Variants in CACNA1H observed in about 807,000 individuals in gnomAD.
The protein encoded by CACNA1H is voltage-dependent T-type calcium channel subunit alpha-1H.
Under a neutral mutation model 192.5 loss-of-function variants are expected in CACNA1H, and 149 were observed. The observed-to-expected ratio is 0.77, with a 90% confidence interval of 0.68 to 0.89. CACNA1H has a LOEUF of 0.89. Among genes scored for constraint, CACNA1H ranks in the 40% least tolerant of loss-of-function variants. The pLI is 0.00. For synonymous variants in CACNA1H, 2,202 were observed against 1,475.2 expected, an observed-to-expected ratio of 1.49 and a Z score of -11.29; for missense variants, 4,257 against 3,423.5, an observed-to-expected ratio of 1.24 and a Z score of -6.08.
Position 1,206,512 on chromosome 16 carries a change from A to C in CACNA1H, c.2789+223A>C. 4 of 562,718 alleles carry C rather than the reference A, an allele frequency of 7.1e-6. No individual in the cohort carries two copies. The Admixed American group carries it at 9.7e-5, about 14-fold the overall frequency. The allele number at this position is 562,718 out of a possible 1,614,324, so 34.9% of individuals were successfully genotyped here. A position where few individuals can be genotyped will look rare whatever the true frequency, so the allele number is the denominator to read the frequency against. ...GGGAGTCAGATGGCAGGGGTCAGAG[A>C]TGGGCCGCCAGGTGGACAAGCTGGG... is the stretch of plus-strand genomic sequence containing the variant. On this transcript the variant is annotated intron_variant, in intron 12 of 34. Transcript: ENST00000348261.
rs1969245641 is a variant in CACNA1H, at chr16:1,210,079, C to T, written c.3789C>T (p.Pro1263=). The part of the protein sequence containing the change: ...RLHKVLEPYK[P]QWCRSREAWA... ...ATAAAGTGCTGGAGCCCTACAAGCC[C>T]CAGTGGTGCCGGAGCCGCGAGGCCT... Residue 1263 remains proline, a synonymous_variant, in exon 18 of 35, where the codon CCC becomes CCT. Coordinates refer to ENST00000348261, the MANE Select transcript of CACNA1H (RefSeq NM_021098.3). The T allele has an allele frequency of 3.2e-6, 5 of 1,559,270 alleles. No homozygotes were observed. The East Asian group carries it at 1.2e-4, about 38-fold the overall frequency.
chr16:1,194,987 G>C lies in CACNA1H; in HGVS notation c.315G>C (p.Val105=), dbSNP rs776856944. 2 of 1,611,792 alleles carry C rather than the reference G, an allele frequency of 1.2e-6. No homozygotes were observed. The highest frequency in any genetic ancestry group is 1.7e-5 in the Admixed American group (1 of 59,990). The change falls in exon 3 of 35, where the codon GTG becomes GTC. Residue 105 remains valine, a synonymous_variant. Coordinates refer to ENST00000348261, the MANE Select transcript of CACNA1H (RefSeq NM_021098.3). The part of the protein sequence containing the change: ...RLVCNPWFEH[V]SMLVIMLNCV... ...GCGGCGACACATGGTTCGAGCACGTGAGCATGCTGGTAATCATGCTCAACT... is the reference window on the plus strand; with the variant it reads ...GCGGCGACACATGGTTCGAGCACGTCAGCATGCTGGTAATCATGCTCAACT...
chr16:1,199,439 T>C (rs1175309665), intron 6 of CACNA1H, among the ~76,000 whole-genome samples: 4 of 55,822 alleles, frequency 7.2e-5, no homozygotes, highest in East Asian at 4.4e-4. Flanking sequence ...CCGCCCACCG[T>C]GCGGTCGCTG....
chr16:1,199,389 G>C (rs12934594), intron 6 of CACNA1H, among the ~76,000 whole-genome samples: 1,605 of 3,000 alleles, frequency 0.54, 598 homozygotes, highest in Middle Eastern at 0.75. Flanking sequence ...CTCCGCCCAC[G>C]GTGCGGTCGC....
At chr16:1,211,398 C>T (rs913236615) in intron 22 of CACNA1H, 83 bp from the exon 23 acceptor site, 23 of 1,605,898 alleles carry the variant, frequency 1.4e-5, no homozygotes, top group African/African-American at 5.3e-5. Flanking sequence ...AGGGACAGCT[C>T]GGGCCTCACT....
intron 11 of CACNA1H, 144 bp downstream of exon 11, chr16:1,205,409 G>T (rs551994792): frequency 5.0e-5 from 45 of 903,648 alleles, no homozygotes; most frequent in South Asian, 6.9e-5. Flanking sequence ...CAGGTGCTTG[G>T]TGACCCCAGT....
intron 18 of CACNA1H, 72 bp downstream of exon 18, chr16:1,210,207 G>A (rs531040080): frequency 1.5e-6 from 2 of 1,348,674 alleles, no homozygotes; most frequent in African/African-American, 2.9e-5. Context: ...GGTCCCTCCT[G>A]GGTGGGGCTA....
chr16:1,160,808 T>A (rs1490346736), intron 2 of CACNA1H, among the ~76,000 whole-genome samples: 1 of 152,124 alleles, frequency 6.6e-6, no homozygotes, highest in African/African-American at 2.4e-5. Context: ...GGCAGAGAGA[T>A]CCTTGGGTGG....
chr16:1,205,080 C>G (rs13335513), intron 10 of CACNA1H, 34 bp from the exon 11 acceptor site: 32 of 1,575,842 alleles, frequency 2.0e-5, no homozygotes, highest in African/African-American at 9.5e-5. Flanking sequence ...GCCGCGGGTG[C>G]GGCCTCCTGA....
At position 1,210,374 on chromosome 16, in the gene CACNA1H, C is replaced by T. The variant is rs541678072; in HGVS notation, c.3850C>T (p.Arg1284Cys). Residue 1284 changes from arginine (R) to cysteine (C), a missense_variant, in exon 19 of 35, where the codon CGC (arginine) becomes TGC (cysteine). Coordinates refer to ENST00000348261, the MANE Select transcript of CACNA1H (RefSeq NM_021098.3). The part of the protein sequence containing the change: ...LYLFSPQNRF[R>C]VSCQKVITHK... The stretch of plus-strand genomic sequence containing the variant: ...CACCCGCCCCCGCCCACCCAGGTTC[C>T]GCGTCTCCTGCCAGAAGGTCATCAC... 1.2e-5 allele frequency: 16 copies of T among 1,332,190 alleles called. No homozygotes were observed. In the Admixed American group the frequency reaches 1.6e-4, roughly 13 times the overall value. The allele number at this position is 1,332,190 out of a possible 1,614,324, so 82.5% of individuals were successfully genotyped here.
At chr16:1,185,400 G>A (rs568827770) in intron 2 of CACNA1H, among the ~76,000 whole-genome samples, 19 of 152,030 alleles carry the variant, frequency 1.2e-4, no homozygotes, top group Admixed American at 1.0e-3. Flanking sequence ...CCGGTTATCC[G>A]GAGCTTAGAC....
intron 5 of CACNA1H, among the ~76,000 whole-genome samples, chr16:1,196,274 G>A (rs1430421929): frequency 4.6e-5 from 7 of 152,272 alleles, no homozygotes; most frequent in Admixed American, 4.6e-4. Flanking sequence ...CCACACAGCC[G>A]AGTGACAGGG....
rs760115397 is a variant in CACNA1H, at chr16:1,218,492, G to A, written c.5728G>A (p.Asp1910Asn). ...GCCCCAGGAGAGTCCGGGCGCCAGGGACGCCCCAAACCTGGTTGCACGCAA... is the reference window on the plus strand; with the variant it reads ...GCCCCAGGAGAGTCCGGGCGCCAGGAACGCCCCAAACCTGGTTGCACGCAA... ...PLPQESPGAR[D>N]APNLVARKVS... The change falls in exon 33 of 35, where the codon GAC becomes AAC. Residue 1910 changes from aspartate (D) to asparagine (N), a missense_variant. By Grantham distance (23) the Asp-to-Asn change is conservative. Coordinates refer to ENST00000348261, the MANE Select transcript of CACNA1H (RefSeq NM_021098.3). 2 of 1,552,610 alleles carry A rather than the reference G, an allele frequency of 1.3e-6. No homozygotes were observed. Among genetic ancestry groups the A allele is most frequent in the Non-Finnish European group, 1.7e-6 (2 of 1,148,352 alleles).
chr16:1,187,014 A>G (rs1051049483), intron 2 of CACNA1H, among the ~76,000 whole-genome samples: 3 of 152,154 alleles, frequency 2.0e-5, no homozygotes, highest in African/African-American at 7.2e-5. Flanking sequence ...GGGTCTCTTG[A>G]TGTGGGACCA....
chr16:1,202,662 C>T (rs1478853306), intron 9 of CACNA1H, among the ~76,000 whole-genome samples: 1 of 152,102 alleles, frequency 6.6e-6, no homozygotes, highest in East Asian at 1.9e-4. Flanking sequence ...TCCCGGTGGC[C>T]CACAGCTCAT....
chr16:1,206,522 A>C, intron 12 of CACNA1H: 2 of 549,826 alleles, frequency 3.6e-6, no homozygotes, highest in South Asian at 2.4e-5. Flanking sequence ...ATGGGCCGCC[A>C]GGTGGACAAG....
chr16:1,169,354 C>T (rs1964129682), intron 2 of CACNA1H, among the ~76,000 whole-genome samples: 1 of 152,222 alleles, frequency 6.6e-6, no homozygotes, highest in Non-Finnish European at 1.5e-5. Context: ...AACCCCCGAC[C>T]TGCCCTCCCA....
chr16:1,221,172 G>A lies in CACNA1H; in HGVS notation c.*178G>A, dbSNP rs942862150. Reference sequence around the variant, plus strand: ...GCCCAGCGAAGCAGGAGTAGCTGCCGGGCCCCACGAGCCTCCGTCCGTTCT... The same window carrying A: ...GCCCAGCGAAGCAGGAGTAGCTGCCAGGCCCCACGAGCCTCCGTCCGTTCT... On this transcript the variant is annotated 3_prime_UTR_variant, in exon 35 of 35. Coordinates refer to ENST00000348261, the MANE Select transcript of CACNA1H (RefSeq NM_021098.3). 6 of 552,648 alleles carry A rather than the reference G, an allele frequency of 1.1e-5. No homozygotes were observed. Among genetic ancestry groups the A allele is most frequent in the East Asian group, 5.8e-5 (2 of 34,370 alleles). 34.2% of individuals were successfully genotyped at this position (552,648 alleles called of 1,614,324 possible). A position where few individuals can be genotyped will look rare whatever the true frequency, so the allele number is the denominator to read the frequency against.
intron 9 of CACNA1H, among the ~76,000 whole-genome samples, chr16:1,203,743 A>G (rs1217428710): frequency 1.3e-5 from 2 of 152,150 alleles, no homozygotes; most frequent in Admixed American, 6.5e-5. Flanking sequence ...CTCTGTCTTC[A>G]CATGGCTCTT....
Sources: gnomAD v4.1 joint callset for allele counts (sites outside exome capture counted in the v4.1 genomes callset) on GRCh38, gnomAD v4.1.1 for gene constraint, MANE v1.5 for transcripts, NCBI Gene and HGNC (gene_info 2026-07-23, HGNC 2026-07-21) for gene names.